The following ROBO2 variants were observed in gnomAD, a reference collection of about 807,000 sequenced individuals.
ROBO2 encodes roundabout guidance receptor 2.
ROBO2 carries 53 observed loss-of-function variants against 160.8 expected under a neutral mutation model. The observed-to-expected ratio is 0.33, with a 90% CI of 0.26 to 0.41. The LOEUF is 0.41. Ranked by LOEUF, ROBO2 falls within the 10% of genes least tolerant of loss-of-function variation. The pLI, the probability that ROBO2 is intolerant of heterozygous loss-of-function variation, is 1.00. For missense variants in ROBO2, 1,577 were observed against 1,722.4 expected (o/e 0.92, Z 1.49); for synonymous variants, 664 against 611.7 (o/e 1.09, Z -1.26).
At chr3:75,955,234 T>A (rs1250509110) in intron 2 of ROBO2, among the ~76,000 whole-genome samples, 2 of 151,866 alleles carry the variant, frequency 1.3e-5, no homozygotes, top group Non-Finnish European at 2.9e-5. Context: ...ATTATTTAAT[T>A]TATTTGCTTG....
chr3:76,977,850 C>T (rs1200121200), intron 2 of ROBO2, among the ~76,000 whole-genome samples: 2 of 152,160 alleles, frequency 1.3e-5, no homozygotes, highest in Non-Finnish European at 2.9e-5. Flanking sequence ...ATGGGAAAAT[C>T]ATCTGTAAAT....
At chr3:77,098,114 G>A (rs983541438) in exon 2 of ROBO2, 2 of 1,614,120 alleles carry the variant, frequency 1.2e-6, no homozygotes, top group Non-Finnish European at 8.5e-7. Flanking sequence ...ACTGCAAGGC[G>A]GAGGGCCGGC....
intron 24 of ROBO2, among the ~76,000 whole-genome samples, chr3:77,636,680 G>A (rs941705711): frequency 6.6e-6 from 1 of 152,140 alleles, no homozygotes; most frequent in African/African-American, 2.4e-5. Flanking sequence ...AAAATGGGCA[G>A]TGGCTGGATT....
At chr3:77,627,447 T>G (rs1484698648) in intron 23 of ROBO2, among the ~76,000 whole-genome samples, 1 of 146,920 alleles carries the variant, frequency 6.8e-6, no homozygotes, top group Non-Finnish European at 1.5e-5. Context: ...GCTAAGCTAT[T>G]TTTTTTTTTG....
chr3:76,389,990 T>C (rs2077069483), intron 2 of ROBO2, among the ~76,000 whole-genome samples: 1 of 152,122 alleles, frequency 6.6e-6, no homozygotes, highest in Non-Finnish European at 1.5e-5. Context: ...TCACTAGAGC[T>C]CAAATGTCCC....
chr3:77,418,100 C>T (rs2077407187), intron 2 of ROBO2, among the ~76,000 whole-genome samples: 1 of 152,132 alleles, frequency 6.6e-6, no homozygotes, highest in Non-Finnish European at 1.5e-5. Flanking sequence ...ATCTTGCTTT[C>T]AGCAATGTTA....
At chr3:76,148,171 A>G (rs182728186) in intron 2 of ROBO2, among the ~76,000 whole-genome samples, 13 of 152,062 alleles carry the variant, frequency 8.5e-5, no homozygotes, top group Admixed American at 3.3e-4. Flanking sequence ...TCATAACCTC[A>G]TTTCTGACTT....
chr3:76,766,050 A>G (rs1197343793), intron 2 of ROBO2, among the ~76,000 whole-genome samples: 2 of 151,670 alleles, frequency 1.3e-5, no homozygotes, highest in Non-Finnish European at 3.0e-5. Context: ...TTTTCAAAAT[A>G]CTTTTATCTA....
At chr3:77,214,903 T>C (rs2084710878) in intron 2 of ROBO2, among the ~76,000 whole-genome samples, 1 of 152,084 alleles carries the variant, frequency 6.6e-6, no homozygotes, top group Admixed American at 6.6e-5. Context: ...TGTTGAATAT[T>C]GGCCCCCACT....
At chr3:77,516,183 T>A (rs2089997669) in intron 5 of ROBO2, among the ~76,000 whole-genome samples, 1 of 151,614 alleles carries the variant, frequency 6.6e-6, no homozygotes, top group Non-Finnish European at 1.5e-5. Flanking sequence ...AAACGAGGAA[T>A]AAAATTGAAA....
chr3:77,051,613 T>C (rs868075090), intron 1 of ROBO2, among the ~76,000 whole-genome samples: 9 of 152,344 alleles, frequency 5.9e-5, no homozygotes, highest in Admixed American at 4.6e-4. Flanking sequence ...AAAGCAGTTT[T>C]TAAGTTTTGA....
chr3:77,377,834 C>T (rs2072899344), intron 2 of ROBO2, among the ~76,000 whole-genome samples: 1 of 152,166 alleles, frequency 6.6e-6, no homozygotes, highest in Non-Finnish European at 1.5e-5. Flanking sequence ...TGGACATAAA[C>T]AATGCTTAAT....
chr3:76,923,318 G>A (rs891883828), intron 2 of ROBO2, among the ~76,000 whole-genome samples: 4 of 152,298 alleles, frequency 2.6e-5, no homozygotes, highest in East Asian at 1.9e-4. Flanking sequence ...ATAATGTTCC[G>A]CTGTGGAAAG....
chr3:76,178,677 G>A (rs983681663), intron 2 of ROBO2, among the ~76,000 whole-genome samples: 1 of 152,274 alleles, frequency 6.6e-6, no homozygotes, highest in South Asian at 2.1e-4. Flanking sequence ...GGATGCAGTG[G>A]CTCACGCCTG....
intron 2 of ROBO2, among the ~76,000 whole-genome samples, chr3:76,865,698 A>G (rs2071297432): frequency 6.6e-6 from 1 of 152,138 alleles, no homozygotes; most frequent in African/African-American, 2.4e-5. Flanking sequence ...AGCCTGATTC[A>G]TTGTAGTGAA....
chr3:77,602,389 G>T (rs1194256786), exon 20 of ROBO2: 1 of 1,613,936 alleles, frequency 6.2e-7, no homozygotes, highest in Non-Finnish European at 8.5e-7. Flanking sequence ...ACATGAATTG[G>T]CTGTCGATCT....
At chr3:76,482,869 C>A (rs1477511903) in intron 2 of ROBO2, among the ~76,000 whole-genome samples, 3 of 152,092 alleles carry the variant, frequency 2.0e-5, no homozygotes, top group African/African-American at 7.2e-5. Context: ...CAATTTCAAG[C>A]AATTTGCAAA....
intron 2 of ROBO2, among the ~76,000 whole-genome samples, chr3:77,418,490 G>T (rs974883232): frequency 6.6e-6 from 1 of 152,000 alleles, no homozygotes; most frequent in East Asian, 1.9e-4. Context: ...TTTATGATTT[G>T]TTCTTTTACT....
At chr3:76,155,227 T>A (rs1386889485) in intron 2 of ROBO2, among the ~76,000 whole-genome samples, 2 of 152,090 alleles carry the variant, frequency 1.3e-5, no homozygotes, top group Non-Finnish European at 2.9e-5. Flanking sequence ...TCGATATCAC[T>A]AAAAGAAAGA....
Sources: gnomAD v4.1 joint callset for allele counts (sites outside exome capture counted in the v4.1 genomes callset) on GRCh38, gnomAD v4.1.1 for gene constraint, MANE v1.5 for transcripts, NCBI Gene and HGNC (gene_info 2026-07-23, HGNC 2026-07-21) for gene names.